The following KANK1 variants were observed in gnomAD, a reference collection of about 807,000 sequenced individuals.
The protein encoded by KANK1 is KN motif and ankyrin repeat domains 1.
In KANK1, 109 loss-of-function variants were observed where a neutral mutation model predicts 106.2. That is an observed-to-expected ratio of 1.03 (90% confidence interval 0.88 to 1.20). KANK1 has a LOEUF of 1.20. Among genes scored for constraint, KANK1 ranks in the 50% most tolerant of loss-of-function variants. The pLI is 0.00. For missense variants in KANK1, 2,399 were observed against 1,710.7 expected (o/e 1.40, Z -7.10); for synonymous variants, 873 against 652.2 (o/e 1.34, Z -5.16).
At chr9:562,795 A>G (rs527568422) in intron 1 of KANK1, among the ~76,000 whole-genome samples, 2 of 152,358 alleles carry the variant, frequency 1.3e-5, no homozygotes, top group African/African-American at 4.8e-5. Context: ...AGTGAACTTC[A>G]TCACGGCAGA....
At chr9:644,853 GC>G (rs754588032) in intron 1 of KANK1, among the ~76,000 whole-genome samples, 1 of 151,204 alleles carries the variant, frequency 6.6e-6, no homozygotes, top group East Asian at 1.9e-4. Flanking sequence ...AGGTGTGGTG[GC>G]TCACGCCTGT....
intron 2 of KANK1, among the ~76,000 whole-genome samples, chr9:472,324 C>T (rs1033691357): frequency 6.6e-6 from 1 of 152,192 alleles, no homozygotes; most frequent in African/African-American, 2.4e-5. Context: ...TTTCCACTTT[C>T]CTAAGATGGG....
chr9:701,937 G>T (rs1822775481), intron 2 of KANK1, among the ~76,000 whole-genome samples: 1 of 152,146 alleles, frequency 6.6e-6, no homozygotes, highest in African/African-American at 2.4e-5. Context: ...TAATGCAGAA[G>T]AATTGCAAGC....
intron 2 of KANK1, among the ~76,000 whole-genome samples, chr9:691,616 T>TTTTTTTTTTC (rs1819946019): frequency 7.2e-6 from 1 of 138,594 alleles, no homozygotes; most frequent in Non-Finnish European, 1.6e-5. Context: ...CCAGAATTTT[T>TTTTTTTTTTC]TTTTTTTTTT....
chr9:504,543 C>T (rs545586841), upstream of KANK1, among the ~76,000 whole-genome samples: 25 of 150,432 alleles, frequency 1.7e-4, no homozygotes, highest in African/African-American at 5.2e-4. Context: ...CGCGCCGCTC[C>T]GGGGCGCAGC....
At chr9:555,202 C>G (rs990462428) in intron 1 of KANK1, among the ~76,000 whole-genome samples, 1 of 152,180 alleles carries the variant, frequency 6.6e-6, no homozygotes, top group Non-Finnish European at 1.5e-5. Context: ...AAGCCATTTC[C>G]TAGTCTTATA....
chr9:694,826 G>C (rs1475202), intron 2 of KANK1, among the ~76,000 whole-genome samples: 107,774 of 152,056 alleles, frequency 0.71, 38,856 homozygotes, highest in Middle Eastern at 0.79. Flanking sequence ...ATGCCAGTTA[G>C]GATGCAGCTG....
intron 2 of KANK1, chr9:685,484 T>C (rs1348993058): frequency 6.6e-6 from 1 of 152,190 alleles, no homozygotes; most frequent in African/African-American, 2.4e-5. Flanking sequence ...GTTGGATTTG[T>C]AGGATTTGTT....
chr9:625,077 A>T lies in KANK1; in HGVS notation c.-83-51813A>T, dbSNP rs115667018. On this transcript the variant is annotated intron_variant, in intron 1 of 11. Transcript: ENST00000382297. ...CCCTGGGGTCTGAAAGGTGCTCCTA[A>T]GGGTGTACAGCAGTTAGCACCGTTA... is the stretch of plus-strand genomic sequence containing the variant. Among the ~76,000 whole-genome samples, 441 of 152,274 alleles carry T rather than the reference A, an allele frequency of 2.9e-3. 1 individual carries two copies. The highest frequency in any genetic ancestry group is 0.01 in the African/African-American group (431 of 41,530).
intron 1 of KANK1, among the ~76,000 whole-genome samples, chr9:508,520 C>T (rs914082523): frequency 6.6e-6 from 1 of 152,156 alleles, no homozygotes; most frequent in Non-Finnish European, 1.5e-5. Context: ...CGGAAAGAAC[C>T]AAAATATTGC....
chr9:676,489 C>G (rs1816437966), intron 1 of KANK1, among the ~76,000 whole-genome samples: 1 of 152,114 alleles, frequency 6.6e-6, no homozygotes, highest in South Asian at 2.1e-4. Context: ...GCAATAATTG[C>G]TTTGAAATTG....
intron 1 of KANK1, among the ~76,000 whole-genome samples, chr9:576,871 G>A (rs900665457): frequency 3.9e-5 from 6 of 152,068 alleles, no homozygotes; most frequent in East Asian, 1.9e-4. Flanking sequence ...TATTGTGTCC[G>A]GAATTGGTTC....
intron 1 of KANK1, among the ~76,000 whole-genome samples, chr9:548,199 TA>T (rs1172098146): frequency 6.6e-6 from 1 of 152,336 alleles, no homozygotes; most frequent in African/African-American, 2.4e-5. Context: ...AGATAATTCT[TA>T]AACCTTAGTA....
chr9:478,571 A>T (rs778528529), intron 3 of KANK1: 2 of 152,274 alleles, frequency 1.3e-5, no homozygotes, highest in African/African-American at 4.8e-5. Context: ...GGACCAGTGT[A>T]TACAAATCTA....
At chr9:528,872 T>A (rs1256404654) in intron 1 of KANK1, among the ~76,000 whole-genome samples, 1 of 151,998 alleles carries the variant, frequency 6.6e-6, no homozygotes, top group Non-Finnish European at 1.5e-5. Context: ...TGATCACTGC[T>A]CACTGCAGCC....
intron 1 of KANK1, among the ~76,000 whole-genome samples, chr9:524,772 C>T (rs1199852880): frequency 3.3e-5 from 5 of 151,566 alleles, no homozygotes; most frequent in Non-Finnish European, 5.9e-5. Context: ...TGGTCTTGGT[C>T]TTCCAAAGTG....
At chr9:719,701 GA>G (rs1316387341) in intron 3 of KANK1, among the ~76,000 whole-genome samples, 1 of 152,118 alleles carries the variant, frequency 6.6e-6, no homozygotes, top group African/African-American at 2.4e-5. Flanking sequence ...GAAGACTGGA[GA>G]ATTGATCTCT....
upstream of KANK1, among the ~76,000 whole-genome samples, chr9:502,677 C>A (rs1420152223): frequency 6.6e-6 from 1 of 152,050 alleles, no homozygotes; most frequent in African/African-American, 2.4e-5. Flanking sequence ...TGCACGTCAC[C>A]ACGCCCAGCG....
intron 3 of KANK1, among the ~76,000 whole-genome samples, chr9:486,114 A>G (rs1361137454): frequency 1.3e-5 from 2 of 152,292 alleles, no homozygotes; most frequent in African/African-American, 2.4e-5. Flanking sequence ...TAAAGATTAG[A>G]ACTGGAACCT....
Sources: allele counts gnomAD v4.1 joint callset (sites outside exome capture counted in the v4.1 genomes callset), GRCh38; gene constraint gnomAD v4.1.1; transcripts MANE v1.5; gene names NCBI Gene and HGNC (gene_info 2026-07-23, HGNC 2026-07-21).